Variants in GRM8 observed in about 807,000 individuals in gnomAD.
GRM8 encodes the protein glutamate metabotropic receptor 8.
Under a neutral mutation model 87.2 loss-of-function variants are expected in GRM8, and 47 were observed. That is an observed-to-expected ratio of 0.54 (90% CI 0.43 to 0.69). The LOEUF is 0.69. Ranked by LOEUF, GRM8 falls within the 30% of genes least tolerant of loss-of-function variation. The pLI, the probability that GRM8 is intolerant of heterozygous loss-of-function variation, is 0.00. For missense variants in GRM8, 1,019 were observed against 1,139.2 expected (o/e 0.89, Z 1.52); for synonymous variants, 396 against 404.5 (o/e 0.98, Z 0.25).
In GRM8 at chr7:127,243,214, AG is replaced by A. The variant is rs1563604893; in HGVS notation, c.-11del. The A allele has an allele frequency of 1.3e-6, 2 of 1,597,772 alleles. No homozygotes were observed. Among genetic ancestry groups the A allele is most frequent in the Non-Finnish European group, 1.7e-6 (2 of 1,177,100 alleles). On this transcript the variant is annotated 5_prime_UTR_variant, in exon 2 of 11. Transcript: ENST00000339582. ...TTCCCTCGCATACCATTTTCTCCAC[AG>A]GTGGTATTGCAATCCAAGACCCAAA...
chr7:126,904,174 C>G, intron 4 of GRM8, 48 bp from the exon 5 acceptor site: 1 of 1,459,646 alleles, frequency 6.9e-7, no homozygotes, highest in Non-Finnish European at 9.5e-7. Flanking sequence ...TTAAAAATAC[C>G]ACAATTATGA....
intron 3 of GRM8, among the ~76,000 whole-genome samples, chr7:127,054,821 A>T (rs932707085): frequency 4.6e-5 from 7 of 152,312 alleles, no homozygotes; most frequent in Admixed American, 2.6e-4. Context: ...GTGTACAGAT[A>T]TGGGTCAAGT....
chr7:126,984,089 C>T lies in GRM8; in HGVS notation c.728-79406G>A, dbSNP rs766745611. ...ACATAAGATTTATTGACTTCATATCCATATCAGTATTTAAGTATTGTTAAC... is the reference window on the plus strand; with the variant it reads ...ACATAAGATTTATTGACTTCATATCTATATCAGTATTTAAGTATTGTTAAC... On this transcript the variant is annotated intron_variant, in intron 3 of 10. Coordinates refer to ENST00000339582, the MANE Select transcript of GRM8 (RefSeq NM_000845.3). Among the ~76,000 whole-genome samples, 63 of 152,046 alleles carry T rather than the reference C, an allele frequency of 4.1e-4. 2 individuals carry two copies. The highest frequency in any genetic ancestry group is 1.6e-4 in the Non-Finnish European group (11 of 68,024).
At position 126,490,486 on chromosome 7, in the gene GRM8, T is replaced by C. The variant is rs141853253; in HGVS notation, c.2430+42466A>G. 1.3e-4 allele frequency among the ~76,000 whole-genome samples: 20 copies of C among 152,200 alleles called. No homozygotes were observed. The East Asian group carries it at 3.9e-3, about 30-fold the overall frequency. On this transcript the variant is annotated intron_variant, in intron 9 of 10. Transcript: ENST00000339582. The stretch of plus-strand genomic sequence containing the variant: ...AAAAAAGGGTATTAATAAGCATGTG[T>C]CATTTCTTTTAAAATTAGGTTAGAA...
At chr7:127,109,848 T>C (rs1348470838) in intron 2 of GRM8, among the ~76,000 whole-genome samples, 1 of 152,108 alleles carries the variant, frequency 6.6e-6, no homozygotes, top group Non-Finnish European at 1.5e-5. Flanking sequence ...CACCAAAATA[T>C]TGTGCAGGCT....
rs192408309 is a variant in GRM8 at position 126,725,180 on chromosome 7, T to C, written c.1357+44685A>G. Among the ~76,000 whole-genome samples, 16 of 152,338 alleles carry C rather than the reference T, an allele frequency of 1.1e-4. No individual in the cohort carries two copies. In the East Asian group the frequency reaches 3.1e-3, roughly 29 times the overall value. ...TTGGCTTCTCTAAGGGTAGTTTTAT[T>C]ATACTTGGTAATGAAAGAAAGTGAT... On this transcript the variant is annotated intron_variant, in intron 7 of 10. Transcript: ENST00000339582.
intron 3 of GRM8, among the ~76,000 whole-genome samples, chr7:126,945,735 C>A (rs953936809): frequency 3.3e-5 from 5 of 152,124 alleles, no homozygotes; most frequent in African/African-American, 1.2e-4. Flanking sequence ...GGATATACAA[C>A]CTATAATTAA....
intron 7 of GRM8, among the ~76,000 whole-genome samples, chr7:126,709,771 G>C (rs1367541401): frequency 6.6e-6 from 1 of 151,970 alleles, no homozygotes; most frequent in African/African-American, 2.4e-5. Flanking sequence ...AACAACCTAA[G>C]TGTCCATGGA....
intron 8 of GRM8, among the ~76,000 whole-genome samples, chr7:126,542,184 C>G (rs535526092): frequency 3.0e-4 from 46 of 152,238 alleles, no homozygotes; most frequent in African/African-American, 1.1e-3. Flanking sequence ...TTTAAGCCAC[C>G]CAGTCTGTGG....
chr7:127,034,960 T>A (rs1817715399), intron 3 of GRM8, among the ~76,000 whole-genome samples: 1 of 152,128 alleles, frequency 6.6e-6, no homozygotes. Context: ...AAAGCAAATA[T>A]TTTTAAAAGC....
At chr7:126,471,962 G>A (rs1284916277) in intron 9 of GRM8, among the ~76,000 whole-genome samples, 3 of 152,134 alleles carry the variant, frequency 2.0e-5, no homozygotes, top group Admixed American at 6.5e-5. Flanking sequence ...AATTGTGAAT[G>A]GGAGTTCACT....
At chr7:126,549,478 T>A (rs568943959) in intron 8 of GRM8, among the ~76,000 whole-genome samples, 3 of 152,324 alleles carry the variant, frequency 2.0e-5, no homozygotes, top group Admixed American at 2.0e-4. Flanking sequence ...TCATTATCTT[T>A]TACTTCTAAA....
intron 8 of GRM8, among the ~76,000 whole-genome samples, chr7:126,593,385 T>C (rs1796871725): frequency 6.6e-6 from 1 of 151,988 alleles, no homozygotes. Context: ...TACAACAGCA[T>C]AGTACTGACA....
intron 6 of GRM8, among the ~76,000 whole-genome samples, chr7:126,805,751 T>C (rs1472860228): frequency 1.3e-5 from 2 of 152,232 alleles, no homozygotes; most frequent in Non-Finnish European, 2.9e-5. Context: ...AGGCCTTTCC[T>C]ACTCACCCTC....
At chr7:127,230,540 G>C (rs1000218639) in intron 2 of GRM8, among the ~76,000 whole-genome samples, 1 of 152,076 alleles carries the variant, frequency 6.6e-6, no homozygotes, top group Non-Finnish European at 1.5e-5. Flanking sequence ...TTGTGCTATA[G>C]AATGAATGTG....
At chr7:126,850,715 A>G (rs554064133) in intron 6 of GRM8, among the ~76,000 whole-genome samples, 1 of 152,332 alleles carries the variant, frequency 6.6e-6, no homozygotes, top group Non-Finnish European at 1.5e-5. Flanking sequence ...ACAGTTAATA[A>G]TCGAAATAGG....
At chr7:126,642,449 T>C (rs1471922205) in intron 7 of GRM8, among the ~76,000 whole-genome samples, 2 of 151,952 alleles carry the variant, frequency 1.3e-5, no homozygotes, top group Non-Finnish European at 2.9e-5. Flanking sequence ...CCATCCTGGC[T>C]AACACGGTGA....
At chr7:126,588,618 C>T (rs1372252653) in intron 8 of GRM8, among the ~76,000 whole-genome samples, 1 of 152,060 alleles carries the variant, frequency 6.6e-6, no homozygotes, top group East Asian at 1.9e-4. Context: ...GGGAAAATGG[C>T]AGATGGGAGG....
At chr7:126,938,485 T>C (rs1806569992) in intron 3 of GRM8, among the ~76,000 whole-genome samples, 1 of 152,208 alleles carries the variant, frequency 6.6e-6, no homozygotes, top group Admixed American at 6.5e-5. Context: ...GCAAAGTCTA[T>C]ATATTGTGTA....
Sources: allele counts gnomAD v4.1 joint callset (sites outside exome capture counted in the v4.1 genomes callset), GRCh38; gene constraint gnomAD v4.1.1; transcripts MANE v1.5; gene names NCBI Gene and HGNC (gene_info 2026-07-23, HGNC 2026-07-21).